Variants in SGCD observed in about 807,000 individuals in gnomAD.
SGCD encodes delta-sarcoglycan.
SGCD carries 18 observed loss-of-function variants against 36.6 expected under a neutral mutation model. That is an observed-to-expected ratio of 0.49 (90% confidence interval 0.34 to 0.73). The LOEUF is 0.73. SGCD is among the 30% of genes least tolerant of loss of function. The pLI is 0.01. For missense variants in SGCD, 387 were observed against 346.7 expected (o/e 1.12, Z -0.92); for synonymous variants, 133 against 130.6 (o/e 1.02, Z -0.12).
chr5:156,141,945 A>T (rs1249065523), intron 3 of SGCD, among the ~76,000 whole-genome samples: 2 of 152,232 alleles, frequency 1.3e-5, no homozygotes, highest in African/African-American at 4.8e-5. Context: ...GGAAAAAGCT[A>T]TTTTCAGCCT....
chr5:155,855,316 T>G, the SGCD span, among the ~76,000 whole-genome samples: 314 of 152,084 alleles, frequency 2.1e-3, 2 homozygotes, highest in African/African-American at 7.3e-3. Flanking sequence ...GATTGCAAGA[T>G]TCTACACCAG....
chr5:156,551,493 G>T (rs567453987), intron 4 of SGCD, among the ~76,000 whole-genome samples: 2 of 152,036 alleles, frequency 1.3e-5, no homozygotes, highest in African/African-American at 4.8e-5. Flanking sequence ...GTGTGTTCAC[G>T]GGAACAGGGC....
chr5:156,427,553 G>T (rs1773729736), intron 3 of SGCD, among the ~76,000 whole-genome samples: 1 of 152,002 alleles, frequency 6.6e-6, no homozygotes. Flanking sequence ...GATTGCTCTG[G>T]CTAGGACTTT....
chr5:156,602,887 T>C lies in SGCD; in HGVS notation c.502+7836T>C, dbSNP rs2113420018. Reference sequence around the variant, plus strand: ...TTTGTATCTATGTTCGTCAGAGGTATTAGGCTATAGTTTCTTTTTTTGTTG... The same window carrying C: ...TTTGTATCTATGTTCGTCAGAGGTACTAGGCTATAGTTTCTTTTTTTGTTG... On this transcript the variant is annotated intron_variant, in intron 6 of 8. Transcript: ENST00000337851. Among the ~76,000 whole-genome samples the C allele has an allele frequency of 1.3e-5, 2 of 152,310 alleles. 1 individual carries two copies. The highest frequency in any genetic ancestry group is 4.8e-5 in the African/African-American group (2 of 41,580).
chr5:156,362,626 CAG>C (rs1769863742), intron 3 of SGCD, among the ~76,000 whole-genome samples: 1 of 152,166 alleles, frequency 6.6e-6, no homozygotes, highest in Non-Finnish European at 1.5e-5. Context: ...ATCCTGGTGA[CAG>C]AGAGAGACTC....
chr5:156,164,022 C>CAAAAAAAAAAAAAAAAA (rs1212346034), intron 3 of SGCD, among the ~76,000 whole-genome samples: 1 of 58,484 alleles, frequency 1.7e-5, no homozygotes, highest in Non-Finnish European at 3.6e-5. Context: ...GACTCTGTCT[C>CAAAAAAAAAAAAAAAAA]AAAAAAAAAA....
intron 4 of SGCD, among the ~76,000 whole-genome samples, chr5:156,561,048 G>A (rs1263444070): frequency 6.6e-6 from 1 of 151,486 alleles, no homozygotes; most frequent in Non-Finnish European, 1.5e-5. Context: ...TTCATTCCAA[G>A]GGGAAAAAAA....
intron 3 of SGCD, among the ~76,000 whole-genome samples, chr5:156,186,547 C>T (rs1222213623): frequency 6.6e-6 from 1 of 152,148 alleles, no homozygotes; most frequent in East Asian, 1.9e-4. Context: ...TACTTTTGGG[C>T]AAATAGGTGA....
At chr5:156,036,880 T>C (rs774364909) in intron 1 of SGCD, among the ~76,000 whole-genome samples, 4 of 152,144 alleles carry the variant, frequency 2.6e-5, no homozygotes, top group Non-Finnish European at 5.9e-5. Flanking sequence ...GTTTAATAAA[T>C]ATAGACCAAG....
chr5:156,740,384 A>C (rs1756609292), intron 7 of SGCD, among the ~76,000 whole-genome samples: 1 of 152,246 alleles, frequency 6.6e-6, no homozygotes, highest in African/African-American at 2.4e-5. Flanking sequence ...AATGAACTTC[A>C]GGTCAATGAA....
chr5:155,811,840 G>A, the SGCD span, among the ~76,000 whole-genome samples: 1 of 152,164 alleles, frequency 6.6e-6, no homozygotes, highest in South Asian at 2.1e-4. Flanking sequence ...AGGGTCATTT[G>A]ATTATGAGGT....
At position 156,201,959 on chromosome 5, in the gene SGCD, G is replaced by C. The variant is rs181150593; in HGVS notation, c.-44+77940G>C. On this transcript the variant is annotated intron_variant, in intron 3 of 9. Transcript: ENST00000517913. ...AGAGCAGCCATCTGAGCAGCTCCCT[G>C]AGTGGTCCTGACTTCCAAAACAGCT... Among the ~76,000 whole-genome samples the C allele has an allele frequency of 3.9e-5, 6 of 152,264 alleles. No individual in the cohort carries two copies. In the East Asian group the frequency reaches 1.2e-3, roughly 29 times the overall value.
chr5:155,783,254 A>G, the SGCD span, among the ~76,000 whole-genome samples: 2,012 of 152,302 alleles, frequency 0.013, 38 homozygotes, highest in African/African-American at 0.045. Flanking sequence ...ATACACTATT[A>G]AAGCTTGGGA....
At chr5:155,924,000 A>G (rs1756942824) in intron 1 of SGCD, among the ~76,000 whole-genome samples, 1 of 152,178 alleles carries the variant, frequency 6.6e-6, no homozygotes, top group Non-Finnish European at 1.5e-5. Context: ...GGTGTTTTTC[A>G]GTGTCTCACA....
intron 3 of SGCD, among the ~76,000 whole-genome samples, chr5:156,396,307 T>A (rs1387196661): frequency 1.3e-5 from 2 of 152,228 alleles, no homozygotes; most frequent in Non-Finnish European, 2.9e-5. Flanking sequence ...AAGAAAATCA[T>A]GAAAATAGCA....
intron 6 of SGCD, among the ~76,000 whole-genome samples, chr5:156,601,786 A>G (rs1287922247): frequency 6.6e-6 from 1 of 152,082 alleles, no homozygotes; most frequent in African/African-American, 2.4e-5. Context: ...CGGGTTCCGG[A>G]CATTCTCCTG....
At chr5:156,360,650 T>C (rs1476621958) in intron 3 of SGCD, among the ~76,000 whole-genome samples, 1 of 151,946 alleles carries the variant, frequency 6.6e-6, no homozygotes, top group East Asian at 1.9e-4. Context: ...GACTCCAGAC[T>C]CAGTCAGTAG....
rs1356343958 is a variant in SGCD, at chr5:156,289,788, G to A, written c.-43-39746G>A. On this transcript the variant is annotated intron_variant, in intron 3 of 9. Transcript: ENST00000517913. ...CCCGTCCTAGTCTCCTGAGTAGCCA[G>A]GATTACAGGTGTGAGCCACCATGCC... Among the ~76,000 whole-genome samples, 4 of 152,012 alleles carry A rather than the reference G, an allele frequency of 2.6e-5. No homozygotes were observed. In the East Asian group the frequency reaches 7.7e-4, roughly 29 times the overall value.
intron 1 of SGCD, among the ~76,000 whole-genome samples, chr5:155,918,538 G>C (rs1756804577): frequency 6.6e-6 from 1 of 152,184 alleles, no homozygotes; most frequent in Non-Finnish European, 1.5e-5. Flanking sequence ...ACTGTAGCCT[G>C]GGGGACAGGG....
Sources: allele counts gnomAD v4.1 joint callset (sites outside exome capture counted in the v4.1 genomes callset), GRCh38; gene constraint gnomAD v4.1.1; transcripts MANE v1.5; gene names NCBI Gene and HGNC (gene_info 2026-07-23, HGNC 2026-07-21).